DPH6: variants seen among roughly 807,000 people sequenced by gnomAD.
The protein encoded by DPH6 is diphthamine biosynthesis 6.
Under a neutral mutation model 38.2 loss-of-function variants are expected in DPH6, and 33 were observed. That is an observed-to-expected ratio of 0.86 (90% confidence interval 0.65 to 1.15). DPH6 has a LOEUF of 1.15. DPH6 is among the 50% of genes most tolerant of loss of function. The pLI, the probability that DPH6 is intolerant of heterozygous loss-of-function variation, is 0.00. For missense variants in DPH6, 325 were observed against 320.0 expected (o/e 1.02, Z -0.12); for synonymous variants, 108 against 103.0 (o/e 1.05, Z -0.30).
At chr15:35,503,370 T>C in intron 3 of DPH6, among the ~76,000 whole-genome samples, 1 of 152,102 alleles carries the variant, frequency 6.6e-6, no homozygotes, top group South Asian at 2.1e-4. Context: ...TCAGGGCAGT[T>C]TGACAACCCT....
chr15:35,323,942 T>C (rs1237777575), intron 3 of DPH6, among the ~76,000 whole-genome samples: 1 of 152,122 alleles, frequency 6.6e-6, no homozygotes, highest in East Asian at 1.9e-4. Context: ...AATCCTTCAA[T>C]AATAGAGTTA....
At position 35,464,689 on chromosome 15, in the gene DPH6, T is replaced by C. The variant is rs1003456723; in HGVS notation, c.313-9869A>G. On this transcript the variant is annotated intron_variant, in intron 3 of 8. Coordinates refer to ENST00000256538, the MANE Select transcript of DPH6 (RefSeq NM_080650.4). ...CTTGAATCTTCTATTAAACAACCCA[T>C]CAATAAGGACCTAATATGTCATAGT... Among the ~76,000 whole-genome samples the C allele has an allele frequency of 7.9e-5, 12 of 152,164 alleles. 1 individual carries two copies. Among genetic ancestry groups the C allele is most frequent in the Admixed American group, 2.6e-4 (4 of 15,274 alleles).
chr15:35,364,345 A>G (rs2052638601), intron 3 of DPH6, among the ~76,000 whole-genome samples: 1 of 152,040 alleles, frequency 6.6e-6, no homozygotes, highest in African/African-American at 2.4e-5. Context: ...AATCCATTTC[A>G]TATTTTTAAT....
chr15:35,448,084 T>C (rs1204083001), intron 5 of DPH6, among the ~76,000 whole-genome samples: 1 of 152,162 alleles, frequency 6.6e-6, no homozygotes, highest in East Asian at 1.9e-4. Flanking sequence ...CGTTTTTCCT[T>C]TATCATTTCT....
chr15:35,370,703 T>A (rs1327975262), downstream of DPH6, among the ~76,000 whole-genome samples: 1 of 151,568 alleles, frequency 6.6e-6, no homozygotes, highest in Non-Finnish European at 1.5e-5. Context: ...GGTCAGGAGG[T>A]GGAACAACAG....
At chr15:35,394,799 G>A (rs748967116) in intron 6 of DPH6, among the ~76,000 whole-genome samples, 6 of 152,248 alleles carry the variant, frequency 3.9e-5, no homozygotes, top group Non-Finnish European at 7.4e-5. Flanking sequence ...CAAAAGTGCC[G>A]TCTAGCACAT....
chr15:35,226,364 C>T (rs1221477941), intron 3 of DPH6, among the ~76,000 whole-genome samples: 1 of 151,904 alleles, frequency 6.6e-6, no homozygotes, highest in African/African-American at 2.4e-5. Context: ...CGTAAGGTAA[C>T]AAAAATAAAT....
At chr15:35,405,077 G>C (rs1464625249) in intron 6 of DPH6, among the ~76,000 whole-genome samples, 2 of 151,966 alleles carry the variant, frequency 1.3e-5, no homozygotes, top group African/African-American at 2.4e-5. Flanking sequence ...TGTTCCATTG[G>C]TCTGTGTGTC....
At chr15:35,372,809 G>A (rs138266788) in intron 8 of DPH6, among the ~76,000 whole-genome samples, 2 of 152,002 alleles carry the variant, frequency 1.3e-5, no homozygotes, top group East Asian at 1.9e-4. Flanking sequence ...AACTGTGGGT[G>A]TGCCTCAAGA....
intron 3 of DPH6, among the ~76,000 whole-genome samples, chr15:35,488,908 T>A (rs745457673): frequency 6.6e-6 from 1 of 152,158 alleles, no homozygotes; most frequent in Non-Finnish European, 1.5e-5. Flanking sequence ...TGCAAGTTTG[T>A]GCACAGCAAA....
intron 3 of DPH6, among the ~76,000 whole-genome samples, chr15:35,469,717 CAGTT>C (rs2141123323): frequency 6.6e-6 from 1 of 152,180 alleles, no homozygotes; most frequent in East Asian, 1.9e-4. Context: ...ATCCAGTAGA[CAGTT>C]GGTTATGGAG....
At chr15:35,345,420 T>C (rs938431702) in intron 3 of DPH6, among the ~76,000 whole-genome samples, 1 of 151,886 alleles carries the variant, frequency 6.6e-6, no homozygotes, top group African/African-American at 2.4e-5. Flanking sequence ...CTTTATCTTG[T>C]CTCTAAACTC....
chr15:35,416,803 T>C (rs2053442142), intron 5 of DPH6, among the ~76,000 whole-genome samples: 1 of 152,072 alleles, frequency 6.6e-6, no homozygotes, highest in Non-Finnish European at 1.5e-5. Flanking sequence ...AGACTGTTCA[T>C]AGAATATATT....
intron 3 of DPH6, among the ~76,000 whole-genome samples, chr15:35,249,030 G>C (rs999047943): frequency 1.3e-5 from 2 of 152,186 alleles, no homozygotes; most frequent in African/African-American, 2.4e-5. Flanking sequence ...TGCAGGACTA[G>C]AGGAAACCGC....
chr15:35,298,620 T>C (rs1001028672), intron 3 of DPH6: 13 of 926,476 alleles, frequency 1.4e-5, no homozygotes, highest in African/African-American at 9.7e-5. Context: ...TCACCCACGA[T>C]GATCTTGCCA....
At chr15:35,258,620 A>G (rs2051723134) in intron 3 of DPH6, among the ~76,000 whole-genome samples, 1 of 152,224 alleles carries the variant, frequency 6.6e-6, no homozygotes, top group Admixed American at 6.5e-5. Flanking sequence ...CAGCAAGCTT[A>G]GGGATGAGTT....
intron 3 of DPH6, among the ~76,000 whole-genome samples, chr15:35,456,462 T>C (rs1178432395): frequency 6.8e-6 from 1 of 146,946 alleles, no homozygotes; most frequent in Non-Finnish European, 1.5e-5. Flanking sequence ...AATTACTATA[T>C]ATATATATAT....
At chr15:35,502,823 T>C (rs1023714662) in intron 3 of DPH6, among the ~76,000 whole-genome samples, 2 of 150,698 alleles carry the variant, frequency 1.3e-5, no homozygotes, top group Non-Finnish European at 3.0e-5. Flanking sequence ...TACTTCTACT[T>C]AGCACAATTA....
intron 3 of DPH6, among the ~76,000 whole-genome samples, chr15:35,337,228 T>C (rs1240304870): frequency 6.6e-6 from 1 of 152,230 alleles, no homozygotes; most frequent in Non-Finnish European, 1.5e-5. Context: ...TCTAGTTTAT[T>C]TGCATAGAGG....
Sources: gnomAD v4.1 joint callset for allele counts (sites outside exome capture counted in the v4.1 genomes callset) on GRCh38, gnomAD v4.1.1 for gene constraint, MANE v1.5 for transcripts, NCBI Gene and HGNC (gene_info 2026-07-23, HGNC 2026-07-21) for gene names.